The following SOX5 variants were observed in gnomAD, a reference collection of about 807,000 sequenced individuals.
The protein encoded by SOX5 is SRY-box transcription factor 5.
Under a neutral mutation model 92.0 loss-of-function variants are expected in SOX5, and 9 were observed. The ratio of observed to expected loss-of-function variants is 0.10; its 90% CI spans 0.06 to 0.17. The LOEUF (loss-of-function observed/expected upper bound fraction) is 0.17, where lower values mean the gene tolerates loss of function less well. SOX5 is among the 10% of genes least tolerant of loss of function. The pLI is 1.00. For missense variants in SOX5, 642 were observed against 944.5 expected (o/e 0.68, Z 4.20); for synonymous variants, 344 against 336.3 (o/e 1.02, Z -0.25).
At chr12:24,163,566 A>G (rs1381790408) in intron 4 of SOX5, among the ~76,000 whole-genome samples, 2 of 148,742 alleles carry the variant, frequency 1.3e-5, no homozygotes, top group Non-Finnish European at 3.0e-5. Flanking sequence ...TTATAGATTC[A>G]TGCCGCATTA....
intron 3 of SOX5, among the ~76,000 whole-genome samples, chr12:24,273,630 A>G (rs1163303428): frequency 1.3e-5 from 2 of 152,146 alleles, no homozygotes; most frequent in Non-Finnish European, 2.9e-5. Context: ...TTTTCCAACA[A>G]TCGGTTTTTT....
intron 4 of SOX5, among the ~76,000 whole-genome samples, chr12:24,162,318 A>G (rs1041146056): frequency 6.6e-6 from 1 of 152,132 alleles, no homozygotes; most frequent in Non-Finnish European, 1.5e-5. Context: ...AAGCTAGTGC[A>G]TATTATTTAA....
chr12:24,056,697 C>T (rs1958140593), intron 4 of SOX5, among the ~76,000 whole-genome samples: 2 of 151,964 alleles, frequency 1.3e-5, no homozygotes, highest in South Asian at 2.1e-4. Flanking sequence ...AAATTCAGGC[C>T]GGGCGCGGTG....
intron 8 of SOX5, among the ~76,000 whole-genome samples, chr12:23,638,890 A>T (rs1416143050): frequency 6.6e-6 from 1 of 150,780 alleles, no homozygotes; most frequent in East Asian, 1.9e-4. Context: ...CTCACTGCAA[A>T]AAAAAAAAAA....
chr12:24,553,725 G>A (rs937053594), intron 1 of SOX5, among the ~76,000 whole-genome samples: 1 of 152,140 alleles, frequency 6.6e-6, no homozygotes, highest in Non-Finnish European at 1.5e-5. Flanking sequence ...GAGAATTTGT[G>A]GTAAGAGAAA....
chr12:23,930,159 G>C (rs962400479), intron 1 of SOX5, among the ~76,000 whole-genome samples: 1 of 151,888 alleles, frequency 6.6e-6, no homozygotes, highest in African/African-American at 2.4e-5. Context: ...GCAACATGCA[G>C]AGAAAATGGC....
chr12:23,970,841 A>ATATATATATATATATATTTTTTTTTTTT, intron 4 of SOX5, among the ~76,000 whole-genome samples: 1 of 21,884 alleles, frequency 4.6e-5, no homozygotes, highest in African/African-American at 1.2e-4. Flanking sequence ...TATATATATA[A>ATATATATATATATATATTTTTTTTTTTT]TTTTTTTTTT....
intron 3 of SOX5, among the ~76,000 whole-genome samples, chr12:23,821,996 T>C (rs1451413799): frequency 2.6e-5 from 4 of 152,090 alleles, no homozygotes; most frequent in Admixed American, 2.6e-4. Context: ...TTTTTTATTG[T>C]GTCTATTTGA....
chr12:24,156,642 T>A (rs1952201762), intron 4 of SOX5, among the ~76,000 whole-genome samples: 1 of 152,142 alleles, frequency 6.6e-6, no homozygotes, highest in South Asian at 2.1e-4. Flanking sequence ...TATAATACAA[T>A]TAATTTATGT....
chr12:24,196,249 G>C (rs4631979), intron 4 of SOX5, among the ~76,000 whole-genome samples: 24,574 of 152,200 alleles, frequency 0.16, 2,308 homozygotes, highest in African/African-American at 0.26. Context: ...TGTGAAGCAC[G>C]TGATTCTGAA....
chr12:24,088,933 T>C (rs1255237332), intron 4 of SOX5, among the ~76,000 whole-genome samples: 1 of 152,056 alleles, frequency 6.6e-6, no homozygotes, highest in African/African-American at 2.4e-5. Flanking sequence ...ATGTGAATCA[T>C]TGCCAATTTC....
At chr12:23,914,640 G>A (rs987884307) in intron 1 of SOX5, among the ~76,000 whole-genome samples, 1 of 151,986 alleles carries the variant, frequency 6.6e-6, no homozygotes, top group Non-Finnish European at 1.5e-5. Context: ...GATTCCCAAG[G>A]ACCTGGATAT....
chr12:23,596,538 A>T (rs1357726942), intron 9 of SOX5, among the ~76,000 whole-genome samples: 1 of 152,230 alleles, frequency 6.6e-6, no homozygotes, highest in East Asian at 1.9e-4. Flanking sequence ...TCACGTATCA[A>T]GTCTCAAACC....
At chr12:23,999,781 T>C (rs1025311561) in intron 4 of SOX5, among the ~76,000 whole-genome samples, 1 of 151,916 alleles carries the variant, frequency 6.6e-6, no homozygotes, top group African/African-American at 2.4e-5. Context: ...AGCAAAGCTA[T>C]CCTTCAAAAA....
At chr12:23,991,160 C>T (rs1950515665) in intron 4 of SOX5, among the ~76,000 whole-genome samples, 1 of 149,660 alleles carries the variant, frequency 6.7e-6, no homozygotes, top group East Asian at 2.0e-4. Flanking sequence ...TCAAGACCAG[C>T]CTGGGCAACA....
intron 2 of SOX5, among the ~76,000 whole-genome samples, chr12:23,858,793 G>A (rs536094454): frequency 1.4e-4 from 21 of 152,290 alleles, no homozygotes; most frequent in East Asian, 5.8e-4. Flanking sequence ...GACCCTGAAC[G>A]GAGGGACCAG....
chr12:24,215,374 T>C (rs1379529737), intron 3 of SOX5, among the ~76,000 whole-genome samples: 1 of 152,062 alleles, frequency 6.6e-6, no homozygotes, highest in Non-Finnish European at 1.5e-5. Context: ...ATTAAAAAAC[T>C]ATAAGAGCTA....
At chr12:23,758,907 C>T (rs1452908548) in intron 3 of SOX5, among the ~76,000 whole-genome samples, 1 of 151,814 alleles carries the variant, frequency 6.6e-6, no homozygotes, top group Non-Finnish European at 1.5e-5. Context: ...TCACCAGATG[C>T]TAGCACCTTG....
intron 10 of SOX5, among the ~76,000 whole-genome samples, chr12:23,570,513 C>G (rs955672036): frequency 6.6e-6 from 1 of 152,062 alleles, no homozygotes; most frequent in Non-Finnish European, 1.5e-5. Flanking sequence ...CATGGTGACT[C>G]ATACCTGTAA....
Sources: gnomAD v4.1 joint callset for allele counts (sites outside exome capture counted in the v4.1 genomes callset) on GRCh38, gnomAD v4.1.1 for gene constraint, MANE v1.5 for transcripts, NCBI Gene and HGNC (gene_info 2026-07-23, HGNC 2026-07-21) for gene names.